FOXM1: variants seen among roughly 807,000 people sequenced by gnomAD.
FOXM1 encodes the protein forkhead box M1.
Under a neutral mutation model 63.6 loss-of-function variants are expected in FOXM1, and 25 were observed. The observed-to-expected ratio is 0.39, with a 90% CI of 0.29 to 0.55. FOXM1 has a LOEUF of 0.55. FOXM1 is among the 20% of genes least tolerant of loss of function. The pLI, the probability that FOXM1 is intolerant of heterozygous loss-of-function variation, is 0.60. For missense variants in FOXM1, 879 were observed against 958.7 expected (o/e 0.92, Z 1.10); for synonymous variants, 387 against 376.9 (o/e 1.03, Z -0.31).
Position 2,864,240 on chromosome 12 carries a change from T to C in FOXM1, c.1266+80A>G, listed in dbSNP as rs1158122390. On this transcript the variant is annotated intron_variant, in intron 8 of 8. Coordinates refer to ENST00000359843, the MANE Select transcript of FOXM1 (RefSeq NM_021953.4). This position sits in a 1 kb window ranked among gnomAD's most constrained non-coding sequence, Gnocchi z 5.1. ...GATTTATAAGCTCTCAAGGAACACT[T>C]ATCAGAGTGCTTTGCAAGCTGAAGG... 1 of 1,285,418 alleles carries C rather than the reference T, an allele frequency of 7.8e-7. No individual in the cohort carries two copies. The highest frequency in any genetic ancestry group is 1.1e-6 in the Non-Finnish European group (1 of 916,904). 79.6% of individuals were successfully genotyped at this position (1,285,418 alleles called of 1,614,324 possible).
Position 2,864,529 on chromosome 12 carries a change from G to A in FOXM1, c.1091-34C>T. ...AAACACGAGAGATCAGGAGCAGGGGGACTGGAGTACACCCCTTCTCAGCCC... is the reference window on the plus strand; with the variant it reads ...AAACACGAGAGATCAGGAGCAGGGGAACTGGAGTACACCCCTTCTCAGCCC... On this transcript the variant is annotated intron_variant, in intron 7 of 8. Coordinates refer to ENST00000359843, the MANE Select transcript of FOXM1 (RefSeq NM_021953.4). This position sits in a 1 kb window ranked among gnomAD's most constrained non-coding sequence, Gnocchi z 5.1. 1 of 1,601,206 alleles carries A rather than the reference G, an allele frequency of 6.2e-7. No individual in the cohort carries two copies. The highest frequency in any genetic ancestry group is 8.5e-7 in the Non-Finnish European group (1 of 1,170,154).
intron 8 of FOXM1, among the ~76,000 whole-genome samples, chr12:2,860,318 C>T (rs2098108433): frequency 6.6e-6 from 1 of 151,944 alleles, no homozygotes; most frequent in Non-Finnish European, 1.5e-5. Context: ...CCCATCTCTA[C>T]AAAAAAATTT....
chr12:2,859,825 T>G, intron 8 of FOXM1, 162 bp from the exon 9 acceptor site: 5 of 609,168 alleles, frequency 8.2e-6, no homozygotes, highest in Admixed American at 3.0e-5. Context: ...ATTCTGGGGG[T>G]AAAAGATGCG....
intron 4 of FOXM1, among the ~76,000 whole-genome samples, chr12:2,867,747 G>A (rs1010246244): frequency 1.3e-5 from 2 of 151,010 alleles, no homozygotes; most frequent in South Asian, 2.1e-4. Context: ...AGGTCGAGAC[G>A]GGTGGATCAT....
chr12:2,872,736 C>A lies in FOXM1; in HGVS notation c.503-489G>T, dbSNP rs7294943. On this transcript the variant is annotated intron_variant, in intron 2 of 8. Transcript: ENST00000359843. The surrounding 1 kb of genome is among the most constrained non-coding windows in gnomAD (Gnocchi z 4.0). Reference sequence around the variant, plus strand: ...CTCTGCCCCATTATGCATTTCAGGACAAATTTAGGAGCATAGTTCAAATTG... The same window carrying A: ...CTCTGCCCCATTATGCATTTCAGGAAAAATTTAGGAGCATAGTTCAAATTG... 0.49 allele frequency among the ~76,000 whole-genome samples: 73,835 copies of A among 152,048 alleles called. 20,020 individuals carry two copies. Among genetic ancestry groups the A allele is most frequent in the African/African-American group, 0.73 (30,110 of 41,504 alleles).
At position 2,858,781 on chromosome 12, in the gene FOXM1, A is replaced by G; in HGVS notation, c.2149T>C (p.Ser717Pro). ...TCCAGGACCAGGCCTTCTGTCAGAGAACGATTGGCTGCAAGGCCAGAAACC... is the reference window on the plus strand; with the variant it reads ...TCCAGGACCAGGCCTTCTGTCAGAGGACGATTGGCTGCAAGGCCAGAAACC... Reference protein sequence around the residue: ...PQVSGLAANRSLTEGLVLDTM... With the variant: ...PQVSGLAANRPLTEGLVLDTM... The change falls in exon 9 of 9, where the codon TCT becomes CCT. Residue 717 changes from serine to proline, a missense_variant. Transcript: ENST00000359843. The G allele has an allele frequency of 6.2e-7, 1 of 1,614,160 alleles. No homozygotes were observed. Among genetic ancestry groups the G allele is most frequent in the Non-Finnish European group, 8.5e-7 (1 of 1,180,022 alleles).
At chr12:2,866,666 C>T (rs141851364) in intron 4 of FOXM1, 145 bp from the exon 5 acceptor site, 1 of 736,860 alleles carries the variant, frequency 1.4e-6, no homozygotes, top group African/African-American at 1.8e-5. Context: ...CTCTTGGCAA[C>T]TCTCCTGACA....
chr12:2,859,305 C>T lies in FOXM1; in HGVS notation c.1625G>A (p.Ser542Asn). 1 of 1,612,964 alleles carries T rather than the reference C, an allele frequency of 6.2e-7. No homozygotes were observed. Among genetic ancestry groups the T allele is most frequent in the South Asian group, 1.1e-5 (1 of 91,056 alleles). Residue 542 changes from serine (S) to asparagine (N), a missense_variant, in exon 9 of 9, where the codon AGC becomes AAC. Physicochemically the swap from Ser to Asn is conservative, Grantham distance 46. Transcript: ENST00000359843. ...VIQHRERRERSRSRRKQHLLP... is the reference protein window; with the variant it reads ...VIQHRERRERNRSRRKQHLLP... ...TAGATGCTGTTTTCTCCGAGACCGGCTCCTCTCCCTCCTCTCCCTGTGTTG... is the reference window on the plus strand; with the variant it reads ...TAGATGCTGTTTTCTCCGAGACCGGTTCCTCTCCCTCCTCTCCCTGTGTTG...
intron 5 of FOXM1, among the ~76,000 whole-genome samples, chr12:2,865,988 T>A (rs2098122543): frequency 6.6e-6 from 1 of 152,072 alleles, no homozygotes; most frequent in Admixed American, 6.6e-5. Context: ...TTCCCAGAAT[T>A]TCTTGTAAGA....
chr12:2,861,475 A>G (rs565262618), intron 8 of FOXM1: 21 of 510,896 alleles, frequency 4.1e-5, no homozygotes, highest in South Asian at 1.6e-4. Flanking sequence ...AGAAGATATA[A>G]CCTATACATA....
intron 8 of FOXM1, among the ~76,000 whole-genome samples, chr12:2,861,057 A>T (rs1470745724): frequency 1.3e-5 from 2 of 151,570 alleles, no homozygotes; most frequent in African/African-American, 4.9e-5. Flanking sequence ...AATCCCAGCT[A>T]CTTGGGAGGC....
Position 2,858,688 on chromosome 12 carries a change from G to C in FOXM1, c.2242C>G (p.Leu748Val). 1 of 1,614,192 alleles carries C rather than the reference G, an allele frequency of 6.2e-7. No individual in the cohort carries two copies. Among genetic ancestry groups the C allele is most frequent in the East Asian group, 2.2e-5 (1 of 44,886 alleles). ...GACCAGTTGATGTTGTCAGGGCCCA[G>C]TGGGTCCTCGTCCAGGCCAGGAAAG... ...ISFPGLDEDP[L>V]GPDNINWSQF... The change falls in exon 9 of 9, where the codon CTG (leucine) becomes GTG (valine). Residue 748 changes from leucine (L) to valine (V), a missense_variant. Coordinates refer to ENST00000359843, the MANE Select transcript of FOXM1 (RefSeq NM_021953.4).
At position 2,858,563 on chromosome 12, in the gene FOXM1, A is replaced by G; in HGVS notation, c.*75T>C. On this transcript the variant is annotated 3_prime_UTR_variant, in exon 9 of 9. Coordinates refer to ENST00000359843, the MANE Select transcript of FOXM1 (RefSeq NM_021953.4). ...CAGTCCCTGCCTGCTGTCCTCACTC[A>G]GAGGCTTGGGGTGCACTGAGCCTTG... The G allele has an allele frequency of 7.6e-7, 1 of 1,322,626 alleles. No homozygotes were observed. 81.9% of individuals were successfully genotyped at this position (1,322,626 alleles called of 1,614,324 possible). A position where few individuals can be genotyped will look rare whatever the true frequency, so the allele number is the denominator to read the frequency against.
chr12:2,868,812 C>G, intron 3 of FOXM1, 58 bp from the exon 4 acceptor site: 1 of 1,419,956 alleles, frequency 7.0e-7, no homozygotes, highest in Non-Finnish European at 9.7e-7. Flanking sequence ...ACCCCCAACC[C>G]AAGCCCTTGA....
At chr12:2,866,178 C>T (rs1286386416) in intron 5 of FOXM1, among the ~76,000 whole-genome samples, 2 of 152,164 alleles carry the variant, frequency 1.3e-5, no homozygotes, top group African/African-American at 2.4e-5. Flanking sequence ...GTCAGAACAG[C>T]CTTCTCCTTG....
rs774139449 is a variant in FOXM1, at chr12:2,864,488, C to T, written c.1098G>A (p.Lys366=). Residue 366 remains lysine (K), a synonymous_variant, in exon 8 of 9, where the codon AAG becomes AAA. Transcript: ENST00000359843. The surrounding 1 kb of genome is among the most constrained non-coding windows in gnomAD (Gnocchi z 5.1). The part of the protein sequence containing the change: ...KTELPLGARR[K]MKPLLPRVSS... ...TGACCCGTGGTAGCAGTGGCTTCAT[C>T]TTCCGCCCTAGGAGGAAACACGAGA... The T allele has an allele frequency of 5.6e-6, 9 of 1,611,986 alleles. No homozygotes were observed. In the African/African-American group the frequency reaches 9.3e-5, roughly 17 times the overall value.
intron 4 of FOXM1, chr12:2,868,354 AG>A (rs1389856628): frequency 9.1e-6 from 4 of 437,214 alleles, no homozygotes; most frequent in Non-Finnish European, 1.6e-5. Context: ...CATGGACTTT[AG>A]GTAGTAACAC....
In FOXM1 at chr12:2,874,232, T is replaced by G; in HGVS notation, c.247A>C (p.Asn83His). Reference protein sequence around the residue: ...TQVVAIPNNANIHSIITALTA... With the variant: ...TQVVAIPNNAHIHSIITALTA... The stretch of plus-strand genomic sequence containing the variant: ...AGTGCTGTGATGATGCTGTGAATAT[T>G]AGCATTGTTGGGGATGGCCACTACT... The change falls in exon 2 of 9, where the codon AAT becomes CAT. Residue 83 changes from asparagine (N) to histidine (H), a missense_variant. Asn to His is a moderately conservative substitution (Grantham distance 68). Transcript: ENST00000359843. This position sits in a 1 kb window ranked among gnomAD's most constrained non-coding sequence, Gnocchi z 4.3. The G allele has an allele frequency of 6.2e-7, 1 of 1,614,220 alleles. No individual in the cohort carries two copies. Among genetic ancestry groups the G allele is most frequent in the Non-Finnish European group, 8.5e-7 (1 of 1,180,052 alleles).
chr12:2,869,136 G>A (rs28990699), intron 3 of FOXM1, among the ~76,000 whole-genome samples: 7,885 of 152,170 alleles, frequency 0.052, 676 homozygotes, highest in African/African-American at 0.18. Flanking sequence ...TCCCATTTCT[G>A]TTCCTGATGT....
Sources: allele counts gnomAD v4.1 joint callset (sites outside exome capture counted in the v4.1 genomes callset), GRCh38; gene constraint gnomAD v4.1.1; non-coding constraint Gnocchi (gnomAD v3.1); transcripts MANE v1.5; gene names NCBI Gene and HGNC (gene_info 2026-07-23, HGNC 2026-07-21).